The following CSMD2 variants were observed in gnomAD, a reference collection of about 807,000 sequenced individuals.
CSMD2 encodes CUB and Sushi multiple domains 2.
In CSMD2, 130 loss-of-function variants were observed where a neutral mutation model predicts 398.5. That is an observed-to-expected ratio of 0.33 (90% CI 0.28 to 0.38). CSMD2 has a LOEUF of 0.38. Ranked by LOEUF, CSMD2 falls within the 10% of genes least tolerant of loss-of-function variation. CSMD2 has a pLI of 1.00. For synonymous variants in CSMD2, 1,828 were observed against 1,908.5 expected (o/e 0.96, Z 1.10); for missense variants, 3,829 against 4,764.9 (o/e 0.80, Z 5.78).
At position 33,709,225 on chromosome 1, in the gene CSMD2, C is replaced by T. The variant is rs771126747; in HGVS notation, c.3440G>A (p.Gly1147Asp). Reference sequence around the variant, plus strand: ...AGGAAAGTTGGGGGACAGCAAAGTACCCTGAGTGCCTGTGACTGAATTCCC... The same window carrying T: ...AGGAAAGTTGGGGGACAGCAAAGTATCCTGAGTGCCTGTGACTGAATTCCC... ...ECGNSVTGTQ[G>D]TLLSPNFPVN... The change falls in exon 22 of 71, where the codon GGT becomes GAT. Residue 1147 changes from glycine to aspartate, a missense_variant. Physicochemically the swap from Gly to Asp is moderately conservative, Grantham distance 94. Transcript: ENST00000373381. 2 of 1,613,922 alleles carry T rather than the reference C, an allele frequency of 1.2e-6. No homozygotes were observed. The highest frequency in any genetic ancestry group is 1.1e-5 in the South Asian group (1 of 91,032).
At chr1:34,023,299 A>G (rs1649173132) in intron 3 of CSMD2, among the ~76,000 whole-genome samples, 1 of 152,204 alleles carries the variant, frequency 6.6e-6, no homozygotes, top group Admixed American at 6.5e-5. Context: ...CAAAACCTTC[A>G]AGTTGTTCAA....
At chr1:33,903,279 G>A (rs1412218657) in intron 5 of CSMD2, among the ~76,000 whole-genome samples, 1 of 151,044 alleles carries the variant, frequency 6.6e-6, no homozygotes, top group Non-Finnish European at 1.5e-5. Context: ...ACAAACAACT[G>A]AGAGAGATCT....
At chr1:34,071,078 T>G (rs141187415) in intron 2 of CSMD2, among the ~76,000 whole-genome samples, 60 of 152,322 alleles carry the variant, frequency 3.9e-4, no homozygotes, top group Non-Finnish European at 7.2e-4. Flanking sequence ...CTTATGAGAC[T>G]TAATAAGGCA....
chr1:33,887,010 T>C (rs1641644512), intron 5 of CSMD2, among the ~76,000 whole-genome samples: 1 of 152,062 alleles, frequency 6.6e-6, no homozygotes, highest in African/African-American at 2.4e-5. Flanking sequence ...TACGACCATT[T>C]TTCAGTGGAG....
At chr1:33,864,353 G>A (rs757396656) in intron 5 of CSMD2, 4 of 1,613,852 alleles carry the variant, frequency 2.5e-6, no homozygotes, top group Non-Finnish European at 3.4e-6. Flanking sequence ...CCATCTCAAA[G>A]CATGAAAAGG....
chr1:34,032,637 G>A lies in CSMD2; in HGVS notation c.474C>T (p.Ser158=), dbSNP rs746360298. 14 of 1,601,578 alleles carry A rather than the reference G, an allele frequency of 8.7e-6. No individual in the cohort carries two copies. Among genetic ancestry groups the A allele is most frequent in the African/African-American group, 4.0e-5 (3 of 74,680 alleles). Residue 158 remains serine, a synonymous_variant, in exon 3 of 71, where the codon AGC becomes AGT. Coordinates refer to ENST00000373381, the MANE Select transcript of CSMD2 (RefSeq NM_001281956.2). The stretch of plus-strand genomic sequence containing the variant: ...AGCCTTGGGCACTGACTGCATAGTC[G>A]CTGATGAGGCGCAGAGAGAGGGTGG... ...AATTLSLRLI[S]DYAVSAQGFH... is the part of the protein sequence containing the mutation.
At chr1:33,817,703 G>A (rs1314928342) in intron 9 of CSMD2, among the ~76,000 whole-genome samples, 1 of 152,236 alleles carries the variant, frequency 6.6e-6, no homozygotes, top group African/African-American at 2.4e-5. Flanking sequence ...AACAAGGACT[G>A]CCTCATCTAG....
chr1:33,960,501 C>T (rs964948662), intron 3 of CSMD2, among the ~76,000 whole-genome samples: 2 of 152,226 alleles, frequency 1.3e-5, no homozygotes, highest in East Asian at 1.9e-4. Flanking sequence ...GGCCAGCCAT[C>T]GGGGACAGGG....
At chr1:33,905,719 A>C (rs2125247746) in intron 5 of CSMD2, among the ~76,000 whole-genome samples, 1 of 152,312 alleles carries the variant, frequency 6.6e-6, no homozygotes, top group South Asian at 2.1e-4. Context: ...TGTGGAATGC[A>C]AGGAAAAGGA....
intron 1 of CSMD2, among the ~76,000 whole-genome samples, chr1:34,150,301 T>C (rs771133): frequency 0.073 from 11,100 of 152,040 alleles, 778 homozygotes; most frequent in African/African-American, 0.19. Context: ...CCCAGGTTGG[T>C]CTTGAACTAC....
Position 33,739,109 on chromosome 1 carries a change from T to G in CSMD2, c.2368+31A>C, listed in dbSNP as rs1476198707. ...CCTCCCCAGCCTCTCTGGCTGACAA[T>G]GGCCACTGCTCCCAGCCTGCAGGCT... is the stretch of plus-strand genomic sequence containing the variant. On this transcript the variant is annotated intron_variant, in intron 15 of 70. Coordinates refer to ENST00000373381, the MANE Select transcript of CSMD2 (RefSeq NM_001281956.2). The G allele has an allele frequency of 4.4e-6, 7 of 1,592,432 alleles. No homozygotes were observed. In the Admixed American group the frequency reaches 1.1e-4, roughly 24 times the overall value.
chr1:33,590,415 G>A (rs1445841209), intron 44 of CSMD2, among the ~76,000 whole-genome samples: 1 of 149,376 alleles, frequency 6.7e-6, no homozygotes, highest in Non-Finnish European at 1.5e-5. Context: ...TGGGATTACA[G>A]GTGTGAGTCA....
intron 21 of CSMD2, among the ~76,000 whole-genome samples, chr1:33,711,060 G>A (rs1230925336): frequency 2.0e-5 from 3 of 152,192 alleles, no homozygotes; most frequent in African/African-American, 7.2e-5. Context: ...TGCTGAGATG[G>A]CTCATAAAAC....
In CSMD2 at chr1:33,559,778, C is replaced by T. The variant is rs1658376599; in HGVS notation, c.8381-305G>A. Among the ~76,000 whole-genome samples, 1 of 152,134 alleles carries T rather than the reference C, an allele frequency of 6.6e-6. No individual in the cohort carries two copies. The highest frequency in any genetic ancestry group is 2.1e-4 in the South Asian group (1 of 4,810). ...CAGTGCTATCTTACTTTCCTTGCCT[C>T]TGATGCCCTCGGCTCCCCAGATCCA... On this transcript the variant is annotated intron_variant, in intron 53 of 70. Transcript: ENST00000373381. This position sits in a 1 kb window ranked among gnomAD's most constrained non-coding sequence, Gnocchi z 4.0.
intron 33 of CSMD2, 140 bp from the exon 34 acceptor site, chr1:33,625,394 G>A (rs913918616): frequency 4.0e-6 from 3 of 752,284 alleles, no homozygotes; most frequent in Non-Finnish European, 4.4e-6. Flanking sequence ...GGAAGGGCTC[G>A]AGGGCTAACT....
chr1:34,000,707 CAT>C (rs1047942843), intron 3 of CSMD2, among the ~76,000 whole-genome samples: 5 of 152,138 alleles, frequency 3.3e-5, no homozygotes, highest in African/African-American at 1.2e-4. Context: ...CTATGGAACA[CAT>C]AGACCTCAGA....
intron 51 of CSMD2, among the ~76,000 whole-genome samples, chr1:33,571,193 T>C (rs2148693389): frequency 6.6e-6 from 1 of 152,318 alleles, no homozygotes; most frequent in Non-Finnish European, 1.5e-5. Flanking sequence ...GACTATAAAG[T>C]CCTTGTGGGC....
chr1:33,762,358 A>G (rs572187121), intron 13 of CSMD2, among the ~76,000 whole-genome samples: 48 of 152,354 alleles, frequency 3.2e-4, no homozygotes, highest in African/African-American at 1.1e-3. Context: ...TTTTACAGAG[A>G]AAACAGAGCC....
At chr1:33,798,335 G>A (rs1655195110) in intron 10 of CSMD2, among the ~76,000 whole-genome samples, 1 of 152,222 alleles carries the variant, frequency 6.6e-6, no homozygotes, top group Non-Finnish European at 1.5e-5. Context: ...CACCTGCCAT[G>A]TGCCAAGCCC....
Sources: gnomAD v4.1 joint callset for allele counts (sites outside exome capture counted in the v4.1 genomes callset) on GRCh38, gnomAD v4.1.1 for gene constraint, Gnocchi (gnomAD v3.1) non-coding constraint, MANE v1.5 for transcripts, NCBI Gene and HGNC (gene_info 2026-07-23, HGNC 2026-07-21) for gene names.